The following DOCK1 variants were observed in gnomAD, a reference collection of about 807,000 sequenced individuals.
DOCK1 encodes the protein dedicator of cytokinesis 1, also known as dedicator of cytokinesis protein 1.
In DOCK1, 138 loss-of-function variants were observed where a neutral mutation model predicts 262.7. The ratio of observed to expected loss-of-function variants is 0.53; its 90% CI spans 0.46 to 0.61. The LOEUF (loss-of-function observed/expected upper bound fraction) is 0.61. Among genes scored for constraint, DOCK1 ranks in the 20% least tolerant of loss-of-function variants. The pLI is 0.00. For synonymous variants in DOCK1, 866 were observed against 867.4 expected, an observed-to-expected ratio of 1.00 and a Z score of 0.03; for missense variants, 1,908 against 2,370.7, an observed-to-expected ratio of 0.80 and a Z score of 4.05.
At chr10:127,387,860 T>TC (rs901857041) in intron 38 of DOCK1, among the ~76,000 whole-genome samples, 4 of 72,554 alleles carry the variant, frequency 5.5e-5, no homozygotes, top group Non-Finnish European at 1.2e-4. Flanking sequence ...AACAGAGTCT[T>TC]TTTTTTTTTT....
intron 1 of DOCK1, among the ~76,000 whole-genome samples, chr10:126,918,536 G>C (rs1174391310): frequency 1.3e-5 from 2 of 152,240 alleles, no homozygotes; most frequent in Non-Finnish European, 2.9e-5. Context: ...GAGCTGTCCT[G>C]TACCTTGCTG....
chr10:127,370,749 G>T (rs190984901), intron 33 of DOCK1, among the ~76,000 whole-genome samples: 2 of 152,120 alleles, frequency 1.3e-5, no homozygotes. Flanking sequence ...CCCTGACTCC[G>T]TCACGTCAAT....
chr10:127,123,094 C>CA (rs1213281755), intron 25 of DOCK1, among the ~76,000 whole-genome samples: 11 of 152,218 alleles, frequency 7.2e-5, no homozygotes, highest in Non-Finnish European at 1.5e-4. Flanking sequence ...ACCCTCCTTC[C>CA]AGCCTGTACT....
rs1452933857 is a variant in DOCK1, at chr10:127,007,019, G to T, written c.986-1713G>T. The stretch of plus-strand genomic sequence containing the variant: ...TGGGTGCTGCAGTCAGTCGCGTGTG[G>T]GTCAGTCACCCCCAAGAGTGCTGGA... On this transcript the variant is annotated intron_variant, in intron 10 of 51. Transcript: ENST00000623213. 5.3e-5 allele frequency among the ~76,000 whole-genome samples: 8 copies of T among 152,182 alleles called. No individual in the cohort carries two copies. The East Asian group carries it at 1.5e-3, about 29-fold the overall frequency.
chr10:127,018,872 A>G, intron 13 of DOCK1, 37 bp downstream of exon 13: 1 of 1,608,502 alleles, frequency 6.2e-7, no homozygotes. Flanking sequence ...TCAGCATGGC[A>G]TGGGGGTAGC....
At chr10:126,968,242 C>A (rs1591479494) in intron 1 of DOCK1, among the ~76,000 whole-genome samples, 1 of 152,122 alleles carries the variant, frequency 6.6e-6, no homozygotes, top group Admixed American at 6.6e-5. Context: ...CTCTCCTACT[C>A]CCTTGTCAAA....
chr10:127,048,692 G>A (rs2044509114), intron 21 of DOCK1, among the ~76,000 whole-genome samples: 1 of 152,288 alleles, frequency 6.6e-6, no homozygotes, highest in Non-Finnish European at 1.5e-5. Flanking sequence ...TGCCAGGTGT[G>A]TTTCAAGTGC....
At chr10:127,022,614 T>C (rs1429317127) in intron 13 of DOCK1, among the ~76,000 whole-genome samples, 2 of 152,170 alleles carry the variant, frequency 1.3e-5, no homozygotes, top group African/African-American at 4.8e-5. Context: ...CAGGCTGGTC[T>C]TGAACTCCTG....
At chr10:127,193,066 T>C (rs1317570346) in intron 27 of DOCK1, among the ~76,000 whole-genome samples, 1 of 152,228 alleles carries the variant, frequency 6.6e-6, no homozygotes, top group Non-Finnish European at 1.5e-5. Flanking sequence ...TGCTTTAAAA[T>C]ATTGAAGTCA....
chr10:127,234,367 T>C (rs887750652), intron 27 of DOCK1, among the ~76,000 whole-genome samples: 1 of 152,096 alleles, frequency 6.6e-6, no homozygotes, highest in Non-Finnish European at 1.5e-5. Context: ...ATTCAATAGT[T>C]TACCCTAATA....
chr10:127,168,775 C>T (rs1206492036), intron 27 of DOCK1, among the ~76,000 whole-genome samples: 1 of 152,228 alleles, frequency 6.6e-6, no homozygotes, highest in Admixed American at 6.5e-5. Context: ...GGAAATCAGA[C>T]TCTAAGCCCA....
intron 29 of DOCK1, among the ~76,000 whole-genome samples, chr10:127,331,583 G>A (rs114352695): frequency 0.021 from 3,164 of 152,202 alleles, 104 homozygotes; most frequent in African/African-American, 0.072. Flanking sequence ...CGCCCGGCCC[G>A]GATTCAGTTT....
chr10:126,946,482 G>C (rs2035416536), intron 1 of DOCK1, among the ~76,000 whole-genome samples: 1 of 152,110 alleles, frequency 6.6e-6, no homozygotes, highest in African/African-American at 2.4e-5. Context: ...GAAGGCGGAG[G>C]TTGCAGTGAG....
At chr10:127,166,209 G>A (rs942898549) in intron 27 of DOCK1, among the ~76,000 whole-genome samples, 1 of 152,160 alleles carries the variant, frequency 6.6e-6, no homozygotes, top group Non-Finnish European at 1.5e-5. Context: ...GGGACTACAG[G>A]TGCCTGCCAC....
chr10:127,062,953 C>T (rs564510120), intron 23 of DOCK1, among the ~76,000 whole-genome samples: 57 of 152,304 alleles, frequency 3.7e-4, no homozygotes, highest in Non-Finnish European at 3.7e-4. Flanking sequence ...CTTCCACTCA[C>T]ATGAGGCCTG....
chr10:126,918,310 G>A (rs900555772), intron 1 of DOCK1, among the ~76,000 whole-genome samples: 3 of 152,218 alleles, frequency 2.0e-5, no homozygotes, highest in African/African-American at 7.2e-5. Context: ...GCGTGCAGCG[G>A]GGGCTCTGCT....
intron 35 of DOCK1, among the ~76,000 whole-genome samples, chr10:127,376,086 G>A (rs2065470742): frequency 1.3e-5 from 2 of 152,192 alleles, no homozygotes; most frequent in Admixed American, 6.5e-5. Flanking sequence ...GGCAGAGCAG[G>A]CATTAGAACC....
chr10:127,333,077 C>T (rs548400469), intron 29 of DOCK1, among the ~76,000 whole-genome samples: 2 of 152,218 alleles, frequency 1.3e-5, no homozygotes, highest in Middle Eastern at 3.4e-3. Context: ...AGGAATGTGT[C>T]ACTTTTAATT....
chr10:127,449,992 T>C (rs1409716238), intron 51 of DOCK1, among the ~76,000 whole-genome samples: 1 of 152,220 alleles, frequency 6.6e-6, no homozygotes, highest in Non-Finnish European at 1.5e-5. Context: ...AGTGTGGTCC[T>C]TACCTGCTCC....
Sources: allele counts gnomAD v4.1 joint callset (sites outside exome capture counted in the v4.1 genomes callset), GRCh38; gene constraint gnomAD v4.1.1; transcripts MANE v1.5; gene names NCBI Gene and HGNC (gene_info 2026-07-23, HGNC 2026-07-21).